The following PDK1 variants were observed in gnomAD, a reference collection of about 807,000 sequenced individuals.
The protein encoded by PDK1 is [Pyruvate dehydrogenase (acetyl-transferring)] kinase isozyme 1, mitochondrial.
A neutral mutation model predicts 54.2 loss-of-function variants in PDK1; 39 were observed. The ratio of observed to expected loss-of-function variants is 0.72; its 90% CI spans 0.56 to 0.94. The LOEUF (loss-of-function observed/expected upper bound fraction) is 0.94, where lower values mean the gene tolerates loss of function less well. Ranked by LOEUF, PDK1 falls within the 40% of genes least tolerant of loss-of-function variation. PDK1 has a pLI of 0.00. For missense variants in PDK1, 552 were observed against 566.0 expected, an observed-to-expected ratio of 0.98 and a Z score of 0.25; for synonymous variants, 221 against 207.1, an observed-to-expected ratio of 1.07 and a Z score of -0.58.
At chr2:172,559,196 C>G (rs1688523803) in intron 2 of PDK1, among the ~76,000 whole-genome samples, 1 of 152,188 alleles carries the variant, frequency 6.6e-6, no homozygotes, top group Non-Finnish European at 1.5e-5. Context: ...ATCCACCCAC[C>G]TTGGCCTCCC....
At chr2:172,570,101 A>G (rs2149228173) in intron 7 of PDK1, among the ~76,000 whole-genome samples, 2 of 152,250 alleles carry the variant, frequency 1.3e-5, no homozygotes, top group South Asian at 2.1e-4. Flanking sequence ...CTTACTTCCA[A>G]ATTCGGATGC....
chr2:172,677,267 G>C, the PDK1 span: 1 of 152,128 alleles, frequency 6.6e-6, no homozygotes, highest in South Asian at 2.1e-4. Context: ...TAGCATTTTT[G>C]CTTCCTCAGA....
the PDK1 span, among the ~76,000 whole-genome samples, chr2:172,718,088 A>G: frequency 6.6e-6 from 1 of 152,226 alleles, no homozygotes; most frequent in Non-Finnish European, 1.5e-5. Context: ...AGTAGAAGAA[A>G]CCAGGAATTT....
At chr2:172,719,867 C>T in the PDK1 span, among the ~76,000 whole-genome samples, 1 of 152,162 alleles carries the variant, frequency 6.6e-6, no homozygotes, top group African/African-American at 2.4e-5. Flanking sequence ...GAGTTTTGTT[C>T]TGTTGATCAC....
the PDK1 span, among the ~76,000 whole-genome samples, chr2:172,717,265 C>T: frequency 1.2e-4 from 19 of 152,272 alleles, 1 homozygote; most frequent in South Asian, 3.7e-3. Flanking sequence ...TGAAGCAGAG[C>T]CTCAAGCTCC....
the PDK1 span, among the ~76,000 whole-genome samples, chr2:172,632,980 C>CAAAAAAAAAGAAA: frequency 1.3e-5 from 1 of 75,468 alleles, no homozygotes; most frequent in East Asian, 5.0e-4. Flanking sequence ...GATTCTGTCT[C>CAAAAAAAAAGAAA]AAAAAAAAAA....
At chr2:172,564,898 C>T (rs896457235) in intron 4 of PDK1, 80 bp from the exon 5 acceptor site, 238 of 1,036,468 alleles carry the variant, frequency 2.3e-4, no homozygotes, top group Non-Finnish European at 3.4e-4. Context: ...CTGTTTGGTA[C>T]AATTTAAACA....
At chr2:172,716,735 A>T in the PDK1 span, among the ~76,000 whole-genome samples, 4 of 152,206 alleles carry the variant, frequency 2.6e-5, no homozygotes, top group Non-Finnish European at 5.9e-5. Context: ...TCTACCTGTG[A>T]TATTGCTAAA....
Position 172,588,332 on chromosome 2 carries a change from A to T in PDK1, c.1056+1944A>T, listed in dbSNP as rs79459712. On this transcript the variant is annotated intron_variant, in intron 9 of 10. Transcript: ENST00000282077. ...GAGCTAGTCCAGACTCTGGATCTAA[A>T]CTCTTTGGTTCTGTTTCTGATACTG... 1.8e-3 allele frequency among the ~76,000 whole-genome samples: 274 copies of T among 152,222 alleles called. 1 individual carries two copies. Among genetic ancestry groups the T allele is most frequent in the Non-Finnish European group, 3.0e-3 (205 of 68,014 alleles).
chr2:172,631,986 T>C, the PDK1 span, among the ~76,000 whole-genome samples: 266 of 152,236 alleles, frequency 1.7e-3, 5 homozygotes, highest in African/African-American at 6.1e-3. Flanking sequence ...TTAAAAACCT[T>C]CCCTTGAGGC....
chr2:172,620,405 G>T, the PDK1 span, among the ~76,000 whole-genome samples: 11 of 152,174 alleles, frequency 7.2e-5, no homozygotes, highest in African/African-American at 2.7e-4. Context: ...AGAGGGGACG[G>T]TGGAAACGAT....
At chr2:172,636,172 C>T in the PDK1 span, among the ~76,000 whole-genome samples, 1 of 152,162 alleles carries the variant, frequency 6.6e-6, no homozygotes, top group African/African-American at 2.4e-5. Context: ...ATGTCTTCAT[C>T]TGTTTTGCTT....
chr2:172,701,901 C>T, the PDK1 span, among the ~76,000 whole-genome samples: 1 of 151,890 alleles, frequency 6.6e-6, no homozygotes, highest in African/African-American at 2.4e-5. Context: ...TGAAGGATTC[C>T]CTTTAGTATT....
At chr2:172,644,181 A>C in the PDK1 span, among the ~76,000 whole-genome samples, 16 of 152,366 alleles carry the variant, frequency 1.1e-4, no homozygotes, top group East Asian at 3.1e-3. Flanking sequence ...AGAGATGACC[A>C]GGGACAGGAC....
chr2:172,676,826 A>G, the PDK1 span, among the ~76,000 whole-genome samples: 1 of 152,184 alleles, frequency 6.6e-6, no homozygotes, highest in Non-Finnish European at 1.5e-5. Flanking sequence ...CTTTTGTGAA[A>G]GGAAGATTGA....
the PDK1 span, among the ~76,000 whole-genome samples, chr2:172,617,610 C>A: frequency 1.3e-5 from 2 of 152,032 alleles, no homozygotes; most frequent in African/African-American, 4.8e-5. Flanking sequence ...TCCTGCAGGC[C>A]ATTTTTCTAA....
the PDK1 span, among the ~76,000 whole-genome samples, chr2:172,669,888 A>G: frequency 8.5e-5 from 13 of 152,166 alleles, no homozygotes; most frequent in Non-Finnish European, 1.9e-4. Context: ...AGTTCCTTGT[A>G]TATTTTGGAT....
At chr2:172,590,339 G>T (rs1690496690) in intron 9 of PDK1, among the ~76,000 whole-genome samples, 1 of 152,194 alleles carries the variant, frequency 6.6e-6, no homozygotes, top group Non-Finnish European at 1.5e-5. Flanking sequence ...TGAGAATGAA[G>T]CTGCGGACCC....
chr2:172,663,615 C>T, the PDK1 span, among the ~76,000 whole-genome samples: 1 of 152,156 alleles, frequency 6.6e-6, no homozygotes, highest in Non-Finnish European at 1.5e-5. Flanking sequence ...CCTGGAGAAA[C>T]TCCAACCAGC....
Sources: gnomAD v4.1 joint callset for allele counts (sites outside exome capture counted in the v4.1 genomes callset) on GRCh38, gnomAD v4.1.1 for gene constraint, MANE v1.5 for transcripts, NCBI Gene and HGNC (gene_info 2026-07-23, HGNC 2026-07-21) for gene names.